The following EIF4EBP2 variants were observed in gnomAD, a reference collection of about 807,000 sequenced individuals.
EIF4EBP2 encodes the protein eukaryotic translation initiation factor 4E binding protein 2, also known as eukaryotic translation initiation factor 4E-binding protein 2.
EIF4EBP2 carries 5 observed loss-of-function variants against 10.3 expected under a neutral mutation model. The observed-to-expected ratio is 0.48, with a 90% confidence interval of 0.25 to 1.02. The LOEUF is 1.02. Among genes scored for constraint, EIF4EBP2 ranks in the 50% least tolerant of loss-of-function variants. EIF4EBP2 has a pLI of 0.15. For synonymous variants in EIF4EBP2, 67 were observed against 61.1 expected, an observed-to-expected ratio of 1.10 and a Z score of -0.45; for missense variants, 188 against 162.2, an observed-to-expected ratio of 1.16 and a Z score of -0.86.
intron 1 of EIF4EBP2, among the ~76,000 whole-genome samples, chr10:70,419,210 G>C (rs1845129437): frequency 6.6e-6 from 1 of 152,120 alleles, no homozygotes; most frequent in South Asian, 2.1e-4. Context: ...TAGTGATGTC[G>C]AGCACCTTTT....
At chr10:70,413,174 T>C (rs1424879096) in intron 1 of EIF4EBP2, among the ~76,000 whole-genome samples, 1 of 152,222 alleles carries the variant, frequency 6.6e-6, no homozygotes, top group African/African-American at 2.4e-5. Flanking sequence ...TTCTGTAAAT[T>C]GTATTATCAT....
intron 1 of EIF4EBP2, among the ~76,000 whole-genome samples, chr10:70,418,549 A>G (rs1268074808): frequency 6.6e-6 from 1 of 152,234 alleles, no homozygotes; most frequent in South Asian, 2.1e-4. Flanking sequence ...ACATAGTATA[A>G]TAAACAATTT....
At chr10:70,409,358 A>G (rs1845018414) in intron 1 of EIF4EBP2, among the ~76,000 whole-genome samples, 1 of 152,000 alleles carries the variant, frequency 6.6e-6, no homozygotes, top group South Asian at 2.1e-4. Context: ...TGGTTCTTCC[A>G]TTGAGAAGCT....
chr10:70,419,783 T>G (rs1261857146), intron 1 of EIF4EBP2, 131 bp from the exon 2 acceptor site: 7 of 705,908 alleles, frequency 9.9e-6, no homozygotes, highest in South Asian at 4.3e-5. Flanking sequence ...GGTTAGAGAT[T>G]ATGCTTTCAA....
chr10:70,425,649 A>G lies in EIF4EBP2; in HGVS notation c.*3902A>G, dbSNP rs892760596. ...AATATGCCTGACTACCAACAGCTCA[A>G]GTATGCTTATTTGCACATCCTAGAC... On this transcript the variant is annotated 3_prime_UTR_variant, in exon 3 of 3. Coordinates refer to ENST00000373218, the MANE Select transcript of EIF4EBP2 (RefSeq NM_004096.5). The G allele has an allele frequency of 2.0e-5, 3 of 152,216 alleles. No homozygotes were observed. Among genetic ancestry groups the G allele is most frequent in the African/African-American group, 7.2e-5 (3 of 41,462 alleles). 9.4% of individuals were successfully genotyped at this position (152,216 alleles called of 1,614,324 possible). A position where few individuals can be genotyped will look rare whatever the true frequency, so the allele number is the denominator to read the frequency against.
intron 1 of EIF4EBP2, among the ~76,000 whole-genome samples, chr10:70,418,916 A>G (rs1359091673): frequency 3.9e-5 from 6 of 152,154 alleles, no homozygotes; most frequent in Non-Finnish European, 5.9e-5. Context: ...CCTGGACTCA[A>G]GCTATTCTCC....
intron 1 of EIF4EBP2, among the ~76,000 whole-genome samples, chr10:70,405,547 C>T (rs764641212): frequency 2.0e-5 from 3 of 152,220 alleles, no homozygotes; most frequent in Non-Finnish European, 4.4e-5. Flanking sequence ...TTTTTAACTT[C>T]AGAACTTTGT....
intron 1 of EIF4EBP2, among the ~76,000 whole-genome samples, chr10:70,414,608 C>T (rs1237965901): frequency 6.6e-6 from 1 of 152,218 alleles, no homozygotes; most frequent in African/African-American, 2.4e-5. Flanking sequence ...TGGCTCATGC[C>T]TGTAATCCTA....
At chr10:70,414,521 T>G (rs1008490374) in intron 1 of EIF4EBP2, among the ~76,000 whole-genome samples, 4 of 152,106 alleles carry the variant, frequency 2.6e-5, no homozygotes, top group African/African-American at 9.7e-5. Flanking sequence ...AAAAAACTAT[T>G]AGAAATAATA....
At chr10:70,418,202 A>G (rs1277967665) in intron 1 of EIF4EBP2, among the ~76,000 whole-genome samples, 2 of 152,186 alleles carry the variant, frequency 1.3e-5, no homozygotes, top group African/African-American at 2.4e-5. Context: ...ACCCCCATGT[A>G]AGGGACACAA....
chr10:70,420,449 C>T (rs1177657960), intron 2 of EIF4EBP2, among the ~76,000 whole-genome samples: 3 of 152,180 alleles, frequency 2.0e-5, no homozygotes. Flanking sequence ...GATCCACCTG[C>T]CTCAGCCTCC....
At position 70,423,775 on chromosome 10, in the gene EIF4EBP2, G is replaced by A. The variant is rs1845181543; in HGVS notation, c.*2028G>A. The A allele has an allele frequency of 6.6e-6, 1 of 152,654 alleles. No homozygotes were observed. Among genetic ancestry groups the A allele is most frequent in the South Asian group, 2.1e-4 (1 of 4,836 alleles). The allele number at this position is 152,654 out of a possible 1,614,324, so 9.5% of individuals were successfully genotyped here. ...GTGAAAACCTTTTGTGATGGTTGAT[G>A]TCTCAGGAATAAGCTGGATCTCCAA... On this transcript the variant is annotated 3_prime_UTR_variant, in exon 3 of 3. Transcript: ENST00000373218.
Position 70,404,478 on chromosome 10 carries a change from A to G in EIF4EBP2, c.77A>G (p.Asp26Gly). Reference protein sequence around the residue: ...AIPTRTVAISDAAQLPHDYCT... With the variant: ...AIPTRTVAISGAAQLPHDYCT... ...CCCACCCGCACCGTGGCCATCAGCG[A>G]CGCCGCGCAGCTACCTCATGACTAT... Residue 26 changes from aspartate (D) to glycine (G), a missense_variant, in exon 1 of 3, where the codon GAC becomes GGC. Physicochemically the swap from Asp to Gly is moderately conservative, Grantham distance 94. Coordinates refer to ENST00000373218, the MANE Select transcript of EIF4EBP2 (RefSeq NM_004096.5). The G allele has an allele frequency of 6.2e-7, 1 of 1,600,012 alleles. No homozygotes were observed. The highest frequency in any genetic ancestry group is 8.5e-7 in the Non-Finnish European group (1 of 1,175,410).
intron 1 of EIF4EBP2, among the ~76,000 whole-genome samples, chr10:70,408,138 C>T (rs1473990176): frequency 1.9e-5 from 1 of 52,982 alleles, no homozygotes; most frequent in Non-Finnish European, 3.8e-5. Context: ...CCGGACGGGG[C>T]GGCTGGCCAG....
At chr10:70,404,584 C>A (rs1399615416) in intron 1 of EIF4EBP2, 38 bp downstream of exon 1, 3 of 1,513,316 alleles carry the variant, frequency 2.0e-6, no homozygotes, top group Non-Finnish European at 2.6e-6. Context: ...CCCGGTGTCC[C>A]GCCGCGGTCC....
rs764387230 is a variant in EIF4EBP2 at position 70,404,539 on chromosome 10, A to C, written c.138A>C (p.Thr46=). ...TTPGGTLFST[T]PGGTRIIYDR... ...CCGGGGGGACGCTCTTCTCCACCAC[A>C]CCGGGAGGTGAGCGCCGGCCAGCCG... Residue 46 remains threonine, a synonymous_variant, in exon 1 of 3, where the codon ACA becomes ACC. Transcript: ENST00000373218. 2 of 1,575,616 alleles carry C rather than the reference A, an allele frequency of 1.3e-6. No homozygotes were observed. Among genetic ancestry groups the C allele is most frequent in the East Asian group, 2.5e-5 (1 of 40,226 alleles).
chr10:70,407,914 T>C (rs1461343505), intron 1 of EIF4EBP2, among the ~76,000 whole-genome samples: 23 of 121,258 alleles, frequency 1.9e-4, no homozygotes, highest in African/African-American at 6.7e-4. Flanking sequence ...GGCTCCTCAC[T>C]TCCCAGTAGG....
intron 1 of EIF4EBP2, among the ~76,000 whole-genome samples, chr10:70,417,827 G>A (rs1845113084): frequency 6.6e-6 from 1 of 152,034 alleles, no homozygotes; most frequent in Non-Finnish European, 1.5e-5. Flanking sequence ...ACAAAAGTGG[G>A]GTAACTCAAA....
At position 70,419,949 on chromosome 10, in the gene EIF4EBP2, G is replaced by T. The variant is rs146658664; in HGVS notation, c.181G>T (p.Asp61Tyr). The T allele has an allele frequency of 6.9e-6, 11 of 1,593,524 alleles. No individual in the cohort carries two copies. The African/African-American group carries it at 1.1e-4, about 16-fold the overall frequency. The change falls in exon 2 of 3, where the codon GAT (aspartate) becomes TAT (tyrosine). Residue 61 changes from aspartate to tyrosine, a missense_variant. Physicochemically the swap from Asp to Tyr is radical, Grantham distance 160. Transcript: ENST00000373218. Reference protein sequence around the residue: ...RIIYDRKFLLDRRNSPMAQTP... With the variant: ...RIIYDRKFLLYRRNSPMAQTP... ...CATTTATGACAGAAAGTTTCTGTTG[G>T]ATCGTCGCAATTCTCCCATGGCTCA...
Sources: gnomAD v4.1 joint callset for allele counts (sites outside exome capture counted in the v4.1 genomes callset) on GRCh38, gnomAD v4.1.1 for gene constraint, MANE v1.5 for transcripts, NCBI Gene and HGNC (gene_info 2026-07-23, HGNC 2026-07-21) for gene names.